The following TMEM150C variants were observed in gnomAD, a reference collection of about 807,000 sequenced individuals.
TMEM150C encodes the protein transmembrane protein 150C.
TMEM150C carries 10 observed loss-of-function variants against 29.9 expected under a neutral mutation model. That is an observed-to-expected ratio of 0.33 (90% CI 0.21 to 0.57). TMEM150C has a LOEUF of 0.57. TMEM150C is among the 20% of genes least tolerant of loss of function. The pLI is 0.88. For missense variants in TMEM150C, 251 were observed against 303.6 expected (o/e 0.83, Z 1.29); for synonymous variants, 101 against 112.5 (o/e 0.90, Z 0.64).
intron 1 of TMEM150C, among the ~76,000 whole-genome samples, chr4:82,560,728 G>A (rs1001104022): frequency 1.2e-4 from 18 of 152,130 alleles, no homozygotes; most frequent in Admixed American, 9.8e-4. Flanking sequence ...CTATCCTTTC[G>A]ATGAACTGCT....
At chr4:82,540,725 T>C (rs1450803139) in intron 1 of TMEM150C, among the ~76,000 whole-genome samples, 1 of 152,186 alleles carries the variant, frequency 6.6e-6, no homozygotes, top group African/African-American at 2.4e-5. Context: ...AAAAGTTGTA[T>C]ATATTTATGG....
chr4:82,487,150 G>C (rs1302778710), intron 7 of TMEM150C, among the ~76,000 whole-genome samples: 1 of 152,108 alleles, frequency 6.6e-6, no homozygotes, highest in Non-Finnish European at 1.5e-5. Flanking sequence ...TTTGGTGAAA[G>C]CTCAAAACTT....
chr4:82,515,256 C>T (rs1467476966), intron 1 of TMEM150C, among the ~76,000 whole-genome samples: 2 of 152,196 alleles, frequency 1.3e-5, no homozygotes, highest in Non-Finnish European at 2.9e-5. Flanking sequence ...CAGTGGCCCA[C>T]CTTTGACATA....
intron 1 of TMEM150C, among the ~76,000 whole-genome samples, chr4:82,505,666 A>C (rs1223349000): frequency 6.6e-6 from 1 of 152,198 alleles, no homozygotes; most frequent in Non-Finnish European, 1.5e-5. Context: ...CAGGAGACTA[A>C]AGATGAATGT....
rs28794512 is a variant in TMEM150C at position 82,547,371 on chromosome 4, T to C, written c.-11+14535A>G. Among the ~76,000 whole-genome samples the C allele has an allele frequency of 6.6e-3, 998 of 151,958 alleles. 5 individuals are homozygous for C. Among genetic ancestry groups the C allele is most frequent in the Non-Finnish European group, 8.3e-3 (565 of 67,948 alleles). On this transcript the variant is annotated intron_variant, in intron 1 of 7. Coordinates refer to ENST00000449862, the MANE Select transcript of TMEM150C (RefSeq NM_001080506.3). ...TGGGAGGACAAGGTGGGCGGATCAT[T>C]TGAGGTCAGGAGTTCGAGACCAGTC...
At chr4:82,531,409 G>A (rs1292058641) in intron 1 of TMEM150C, among the ~76,000 whole-genome samples, 2 of 152,188 alleles carry the variant, frequency 1.3e-5, no homozygotes, top group Non-Finnish European at 2.9e-5. Context: ...AAAGGATGGA[G>A]CCAAGGAGAA....
chr4:82,546,500 AT>A (rs1353179901), intron 1 of TMEM150C, among the ~76,000 whole-genome samples: 1 of 152,166 alleles, frequency 6.6e-6, no homozygotes, highest in Non-Finnish European at 1.5e-5. Flanking sequence ...TACTCAGTAA[AT>A]GCTGCTGGGA....
intron 1 of TMEM150C, among the ~76,000 whole-genome samples, chr4:82,518,176 C>T (rs1005615539): frequency 6.6e-6 from 1 of 152,030 alleles, no homozygotes; most frequent in Non-Finnish European, 1.5e-5. Context: ...ATTAGGCAGG[C>T]ATATTGGTAG....
intron 6 of TMEM150C, chr4:82,490,895 AC>A: frequency 1.4e-6 from 1 of 711,148 alleles, no homozygotes; most frequent in South Asian, 1.4e-5. Flanking sequence ...CAGACTTGGG[AC>A]CCAGGACATT....
intron 1 of TMEM150C, among the ~76,000 whole-genome samples, chr4:82,561,430 C>G (rs73833124): frequency 0.08 from 12,115 of 152,254 alleles, 1,671 homozygotes; most frequent in African/African-American, 0.28. Flanking sequence ...CCTGGCTAAC[C>G]GCAAAGTGCA....
intron 1 of TMEM150C, among the ~76,000 whole-genome samples, chr4:82,535,747 T>C (rs2110084965): frequency 6.6e-6 from 1 of 152,336 alleles, no homozygotes; most frequent in Admixed American, 6.5e-5. Context: ...AGCAGTAGTT[T>C]ATGCATTAAA....
intron 1 of TMEM150C, among the ~76,000 whole-genome samples, chr4:82,550,189 A>G (rs1173583361): frequency 6.6e-6 from 1 of 152,172 alleles, no homozygotes; most frequent in Non-Finnish European, 1.5e-5. Flanking sequence ...AGTTCTCACA[A>G]GATCTGATGG....
chr4:82,553,652 ACT>A (rs2110093814), intron 1 of TMEM150C, among the ~76,000 whole-genome samples: 1 of 152,282 alleles, frequency 6.6e-6, no homozygotes, highest in South Asian at 2.1e-4. Flanking sequence ...AAAAAAAGTC[ACT>A]CTGAGCCAAG....
chr4:82,516,284 C>A (rs1352980688), intron 1 of TMEM150C, among the ~76,000 whole-genome samples: 6 of 152,122 alleles, frequency 3.9e-5, no homozygotes, highest in African/African-American at 1.5e-4. Flanking sequence ...AACAAGCTGG[C>A]AGCTGCTCAG....
chr4:82,491,231 C>T, intron 6 of TMEM150C: 1 of 683,760 alleles, frequency 1.5e-6, no homozygotes. Context: ...CAGGTGGTCT[C>T]TTAGTGGGGA....
intron 1 of TMEM150C, among the ~76,000 whole-genome samples, chr4:82,525,167 C>T (rs2110080296): frequency 6.6e-6 from 1 of 152,308 alleles, no homozygotes; most frequent in South Asian, 2.1e-4. Context: ...GCCGGCAGTA[C>T]ACACCTTTCA....
At chr4:82,519,879 T>C (rs572199767) in intron 1 of TMEM150C, among the ~76,000 whole-genome samples, 11 of 152,382 alleles carry the variant, frequency 7.2e-5, no homozygotes, top group African/African-American at 2.2e-4. Context: ...CCTCCCCATC[T>C]ATTTCAAAAT....
At chr4:82,544,057 C>T (rs191524371) in intron 1 of TMEM150C, among the ~76,000 whole-genome samples, 27 of 152,290 alleles carry the variant, frequency 1.8e-4, no homozygotes, top group Non-Finnish European at 3.2e-4. Flanking sequence ...TACGAACGAT[C>T]GGATATTAAC....
Position 82,483,735 on chromosome 4 carries a change from T to A in TMEM150C, c.*1776A>T, listed in dbSNP as rs550933968. Reference sequence around the variant, plus strand: ...GGAACAATACAGAGATGAAAAGACATTGACCTTTTCCTCAAGAAATTCAGA... The same window carrying A: ...GGAACAATACAGAGATGAAAAGACAATGACCTTTTCCTCAAGAAATTCAGA... On this transcript the variant is annotated 3_prime_UTR_variant, in exon 8 of 8. Coordinates refer to ENST00000449862, the MANE Select transcript of TMEM150C (RefSeq NM_001080506.3). 2 of 152,284 alleles carry A rather than the reference T, an allele frequency of 1.3e-5. No homozygotes were observed. Among genetic ancestry groups the A allele is most frequent in the South Asian group, 4.1e-4 (2 of 4,822 alleles). The allele number at this position is 152,284 out of a possible 1,614,324, so 9.4% of individuals were successfully genotyped here.
Sources: allele counts gnomAD v4.1 joint callset (sites outside exome capture counted in the v4.1 genomes callset), GRCh38; gene constraint gnomAD v4.1.1; transcripts MANE v1.5; gene names NCBI Gene and HGNC (gene_info 2026-07-23, HGNC 2026-07-21).